RNF217: variants seen among roughly 807,000 people sequenced by gnomAD.
The protein encoded by RNF217 is ring finger protein 217, also known as E3 ubiquitin-protein ligase RNF217.
RNF217 carries 31 observed loss-of-function variants against 57.8 expected under a neutral mutation model. The ratio of observed to expected loss-of-function variants is 0.54; its 90% CI spans 0.40 to 0.72. The LOEUF (loss-of-function observed/expected upper bound fraction) is 0.72. RNF217 is among the 30% of genes least tolerant of loss of function. The pLI is 0.00. For synonymous variants in RNF217, 313 were observed against 294.0 expected, an observed-to-expected ratio of 1.06 and a Z score of -0.66; for missense variants, 696 against 708.3, an observed-to-expected ratio of 0.98 and a Z score of 0.20.
chr6:125,009,392 TAG>T lies in RNF217; in HGVS notation c.883-35817_883-35816del. ...CTCACAGACATAGAGCCTGGAAGAGTAGATTTTTTCACTTTCCTTGAGTATAA... is the reference window on the plus strand; with the variant it reads ...CTCACAGACATAGAGCCTGGAAGAGTATTTTTTCACTTTCCTTGAGTATAA... On this transcript the variant is annotated intron_variant, in intron 1 of 5. Transcript: ENST00000521654. 7.3e-6 allele frequency: 5 copies of T among 684,564 alleles called. No individual in the cohort carries two copies. The South Asian group carries it at 1.0e-4, about 14-fold the overall frequency. The allele number at this position is 684,564 out of a possible 1,614,324, so 42.4% of individuals were successfully genotyped here. A position where few individuals can be genotyped will look rare whatever the true frequency, so the allele number is the denominator to read the frequency against.
chr6:124,982,239 C>T (rs1784203403), intron 1 of RNF217, among the ~76,000 whole-genome samples: 1 of 152,000 alleles, frequency 6.6e-6, no homozygotes, highest in East Asian at 1.9e-4. Context: ...TTTCCTTTCA[C>T]ACTCATATTC....
Position 124,962,491 on chromosome 6 carries a change from G to A in RNF217, c.-54G>A, listed in dbSNP as rs1317696053. 2.1e-6 allele frequency: 2 copies of A among 937,412 alleles called. No individual in the cohort carries two copies. Among genetic ancestry groups the A allele is most frequent in the African/African-American group, 1.8e-5 (1 of 57,070 alleles). The allele number at this position is 937,412 out of a possible 1,614,324, so 58.1% of individuals were successfully genotyped here. On this transcript the variant is annotated 5_prime_UTR_variant, in exon 1 of 6. Coordinates refer to ENST00000521654, the MANE Select transcript of RNF217 (RefSeq NM_001286398.3). The surrounding 1 kb of genome is among the most constrained non-coding windows in gnomAD (Gnocchi z 4.6). ...ACTGCCCCCGCTGCCCGCGGGCGCC[G>A]GGTGGGGGTCCCGGCGGCTGGATGG...
rs138510845 is a variant in RNF217 at position 124,993,088 on chromosome 6, G to A, written c.882+29662G>A. On this transcript the variant is annotated intron_variant, in intron 1 of 5. Transcript: ENST00000521654. ...AAATAAAACATTTTGTAATAATTGA[G>A]TTCAAATAGTAAAATATACTTGATA... 1.1e-3 allele frequency among the ~76,000 whole-genome samples: 172 copies of A among 152,218 alleles called. 1 individual carries two copies. The highest frequency in any genetic ancestry group is 3.9e-3 in the African/African-American group (162 of 41,538).
intron 1 of RNF217, among the ~76,000 whole-genome samples, chr6:124,985,640 T>G (rs902745425): frequency 6.6e-6 from 1 of 152,056 alleles, no homozygotes; most frequent in East Asian, 1.9e-4. Flanking sequence ...ATTAAAGCAG[T>G]TTCAAAGCAG....
chr6:124,995,947 A>G (rs1334426), intron 1 of RNF217, among the ~76,000 whole-genome samples: 36,437 of 151,972 alleles, frequency 0.24, 4,776 homozygotes, highest in East Asian at 0.4. Flanking sequence ...TCAAGAAAAG[A>G]AAAACATTTG....
intron 1 of RNF217, among the ~76,000 whole-genome samples, chr6:124,982,844 C>G (rs569550345): frequency 1.3e-5 from 2 of 152,174 alleles, no homozygotes; most frequent in African/African-American, 4.8e-5. Context: ...AATTTACTCA[C>G]TTCCTGGTGA....
intron 1 of RNF217, among the ~76,000 whole-genome samples, chr6:124,995,410 G>C (rs533285673): frequency 1.3e-5 from 2 of 152,180 alleles, no homozygotes; most frequent in African/African-American, 4.8e-5. Flanking sequence ...CATTACAAAT[G>C]TATGCATCCC....
At chr6:125,060,376 C>CAG (rs1368256969) in intron 3 of RNF217, among the ~76,000 whole-genome samples, 9 of 152,024 alleles carry the variant, frequency 5.9e-5, no homozygotes, top group Non-Finnish European at 1.0e-4. Context: ...CACACACACA[C>CAG]ACACATATAT....
chr6:125,017,931 A>G (rs1785674451), intron 1 of RNF217, among the ~76,000 whole-genome samples: 1 of 152,178 alleles, frequency 6.6e-6, no homozygotes, highest in African/African-American at 2.4e-5. Flanking sequence ...GGTACCACAT[A>G]TTTTCACGAA....
chr6:125,014,325 T>C (rs1402795424), intron 1 of RNF217, among the ~76,000 whole-genome samples: 1 of 152,214 alleles, frequency 6.6e-6, no homozygotes, highest in African/African-American at 2.4e-5. Context: ...GGCTGTACTC[T>C]AAATGCCTTG....
chr6:125,050,529 G>A (rs1787269353), intron 2 of RNF217, among the ~76,000 whole-genome samples: 1 of 151,904 alleles, frequency 6.6e-6, no homozygotes, highest in Non-Finnish European at 1.5e-5. Context: ...ATTTTCTCAT[G>A]TGGTAAAAGA....
intron 1 of RNF217, among the ~76,000 whole-genome samples, chr6:125,027,621 G>A (rs986508857): frequency 6.6e-6 from 1 of 152,176 alleles, no homozygotes; most frequent in African/African-American, 2.4e-5. Context: ...AAACAGAAGT[G>A]TAGAGATCTC....
At chr6:125,028,185 G>A (rs1310142189) in intron 1 of RNF217, among the ~76,000 whole-genome samples, 10 of 151,976 alleles carry the variant, frequency 6.6e-5, no homozygotes. Flanking sequence ...TATTCTTAAT[G>A]CCAGATATAG....
At chr6:125,033,736 T>C (rs1272869568) in intron 1 of RNF217, among the ~76,000 whole-genome samples, 2 of 151,958 alleles carry the variant, frequency 1.3e-5, no homozygotes, top group East Asian at 1.9e-4. Context: ...GGTCAAATGG[T>C]ATTTCTAGTT....
chr6:124,990,865 G>C (rs1298206058), intron 1 of RNF217, among the ~76,000 whole-genome samples: 2 of 152,118 alleles, frequency 1.3e-5, no homozygotes, highest in African/African-American at 4.8e-5. Context: ...AGGAGTTCGA[G>C]ACCAGCCTGA....
chr6:125,021,495 G>C (rs1785836217), intron 1 of RNF217, among the ~76,000 whole-genome samples: 1 of 151,972 alleles, frequency 6.6e-6, no homozygotes, highest in African/African-American at 2.4e-5. Context: ...TTGAACTCCT[G>C]ACCTCGTGAT....
intron 2 of RNF217, among the ~76,000 whole-genome samples, chr6:125,049,257 T>A (rs916941410): frequency 1.3e-5 from 2 of 152,044 alleles, no homozygotes; most frequent in Non-Finnish European, 2.9e-5. Context: ...CACCCAAAGC[T>A]TTTCACCATA....
intron 1 of RNF217, among the ~76,000 whole-genome samples, chr6:124,990,176 A>G (rs1361199435): frequency 6.6e-6 from 1 of 152,130 alleles, no homozygotes; most frequent in African/African-American, 2.4e-5. Context: ...TCCACACTGG[A>G]TATTTATTTT....
At chr6:125,072,497 AG>A (rs1242430010) in intron 3 of RNF217, among the ~76,000 whole-genome samples, 1 of 152,208 alleles carries the variant, frequency 6.6e-6, no homozygotes, top group African/African-American at 2.4e-5. Context: ...AATACTAATA[AG>A]GAAAGACTGT....
Sources: allele counts gnomAD v4.1 joint callset (sites outside exome capture counted in the v4.1 genomes callset), GRCh38; gene constraint gnomAD v4.1.1; non-coding constraint Gnocchi (gnomAD v3.1); transcripts MANE v1.5; gene names NCBI Gene and HGNC (gene_info 2026-07-23, HGNC 2026-07-21).